GJC2: variants seen among roughly 807,000 people sequenced by gnomAD.
GJC2 encodes the protein gap junction protein gamma 2.
For synonymous variants in GJC2, 336 were observed against 307.5 expected (o/e 1.09, Z -0.97); for missense variants, 647 against 648.9 (o/e 1.00, Z 0.03).
At chr1:228,154,236 G>A (rs538391462) in intron 1 of GJC2, among the ~76,000 whole-genome samples, 1 of 152,266 alleles carries the variant, frequency 6.6e-6, no homozygotes, top group South Asian at 2.1e-4. Context: ...GACTCCTCTT[G>A]GTTTCGGCAG....
At chr1:228,153,113 T>C (rs1261525527) in intron 1 of GJC2, among the ~76,000 whole-genome samples, 1 of 151,766 alleles carries the variant, frequency 6.6e-6, no homozygotes, top group Non-Finnish European at 1.5e-5. Flanking sequence ...CCCGTGGGCC[T>C]CCACCAAGCC....
At chr1:228,155,143 C>A (rs2034663966) in intron 1 of GJC2, among the ~76,000 whole-genome samples, 1 of 152,230 alleles carries the variant, frequency 6.6e-6, no homozygotes, top group African/African-American at 2.4e-5. Context: ...GGCGGTGACA[C>A]AGCGACAGCC....
At chr1:228,154,636 A>G (rs2034658878) in intron 1 of GJC2, among the ~76,000 whole-genome samples, 1 of 152,216 alleles carries the variant, frequency 6.6e-6, no homozygotes, top group South Asian at 2.1e-4. Context: ...GACTCTGCAC[A>G]GAGGAGCTGT....
chr1:228,154,094 T>C (rs915836356), intron 1 of GJC2, among the ~76,000 whole-genome samples: 1 of 152,136 alleles, frequency 6.6e-6, no homozygotes, highest in Non-Finnish European at 1.5e-5. Context: ...CTCCTCATAA[T>C]GAATGGACCA....
intron 1 of GJC2, among the ~76,000 whole-genome samples, chr1:228,157,102 G>T (rs2034691528): frequency 6.8e-6 from 1 of 146,184 alleles, no homozygotes; most frequent in Non-Finnish European, 1.5e-5. Flanking sequence ...GAGGGAGGAT[G>T]GAGGATTTTG....
rs749206259 is a variant in GJC2, at chr1:228,157,965, C to T, written c.207C>T (p.Asp69=). 5.0e-6 allele frequency: 8 copies of T among 1,612,408 alleles called. No individual in the cohort carries two copies. Among genetic ancestry groups the T allele is most frequent in the South Asian group, 3.3e-5 (3 of 91,000 alleles). Reference sequence around the variant, plus strand: ...CAGGCTGCGACAACGTCTGCTATGACGCCTTCGCGCCCCTGTCGCACGTGC... The same window carrying T: ...CAGGCTGCGACAACGTCTGCTATGATGCCTTCGCGCCCCTGTCGCACGTGC... ...RQPGCDNVCY[D]AFAPLSHVRF... The change falls in exon 2 of 2, where the codon GAC becomes GAT. Residue 69 remains aspartate, a synonymous_variant. Coordinates refer to ENST00000366714, the MANE Select transcript of GJC2 (RefSeq NM_020435.4).
chr1:228,154,519 T>A (rs1410458829), intron 1 of GJC2, among the ~76,000 whole-genome samples: 2 of 152,050 alleles, frequency 1.3e-5, no homozygotes, highest in Non-Finnish European at 2.9e-5. Flanking sequence ...GCTCTCCCCC[T>A]CTCCCTCCCA....
At chr1:228,155,875 A>G (rs1571906384) in intron 1 of GJC2, among the ~76,000 whole-genome samples, 1 of 152,216 alleles carries the variant, frequency 6.6e-6, no homozygotes, top group Non-Finnish European at 1.5e-5. Context: ...GGCAGGCGCC[A>G]TTACTGCAGG....
At chr1:228,155,707 C>T (rs2034670086) in intron 1 of GJC2, among the ~76,000 whole-genome samples, 1 of 148,560 alleles carries the variant, frequency 6.7e-6, no homozygotes, top group Non-Finnish European at 1.5e-5. Flanking sequence ...GACACAGGCC[C>T]CCAGAGCTAA....
rs549625102 is a variant in GJC2, at chr1:228,157,691, G to T, written c.-19-49G>T. On this transcript the variant is annotated intron_variant, in intron 1 of 1. Coordinates refer to ENST00000366714, the MANE Select transcript of GJC2 (RefSeq NM_020435.4). ...GCCTGGAGCCCCGGCTCTGAGCGCC[G>T]CGGGCTCCTAAGTGCAGGCCCCTGG... The T allele has an allele frequency of 3.6e-6, 4 of 1,124,892 alleles. No individual in the cohort carries two copies. The East Asian group carries it at 1.0e-4, about 29-fold the overall frequency. The allele number at this position is 1,124,892 out of a possible 1,614,324, so 69.7% of individuals were successfully genotyped here. A position where few individuals can be genotyped will look rare whatever the true frequency, so the allele number is the denominator to read the frequency against.
At position 228,158,068 on chromosome 1, in the gene GJC2, C is replaced by T. The variant is rs770536494; in HGVS notation, c.310C>T (p.Arg104Cys). The change falls in exon 2 of 2, where the codon CGT becomes TGT. Residue 104 changes from arginine (R) to cysteine (C), a missense_variant. Coordinates refer to ENST00000366714, the MANE Select transcript of GJC2 (RefSeq NM_020435.4). This position sits in a 1 kb window ranked among gnomAD's most constrained non-coding sequence, Gnocchi z 8.3. ...GGGCTACGCCGTGCACCGCCTGGCCCGTGCGTCTGAGCAGGAGCGGCGCCG... is the reference window on the plus strand; with the variant it reads ...GGGCTACGCCGTGCACCGCCTGGCCTGTGCGTCTGAGCAGGAGCGGCGCCG... ...YLGYAVHRLARASEQERRRAL... is the reference protein window; with the variant it reads ...YLGYAVHRLACASEQERRRAL... The T allele has an allele frequency of 1.4e-5, 22 of 1,602,418 alleles. No individual in the cohort carries two copies. The South Asian group carries it at 2.1e-4, about 15-fold the overall frequency.
chr1:228,152,053 G>C lies in GJC2; in HGVS notation c.-20+2046G>C, dbSNP rs1190090055. 6.6e-6 allele frequency among the ~76,000 whole-genome samples: 1 copy of C among 152,164 alleles called. No homozygotes were observed. Among genetic ancestry groups the C allele is most frequent in the Non-Finnish European group, 1.5e-5 (1 of 68,020 alleles). On this transcript the variant is annotated intron_variant, in intron 1 of 1. Transcript: ENST00000366714. This position sits in a 1 kb window ranked among gnomAD's most constrained non-coding sequence, Gnocchi z 7.3. ...TCTGAGTGAGGACTGTCCCCACACA[G>C]GGCCCTGCAGTGGAGTGCAGGGGAA...
chr1:228,152,234 C>T lies in GJC2; in HGVS notation c.-20+2227C>T, dbSNP rs1212439490. 6.6e-6 allele frequency among the ~76,000 whole-genome samples: 1 copy of T among 152,140 alleles called. No homozygotes were observed. The highest frequency in any genetic ancestry group is 1.5e-5 in the Non-Finnish European group (1 of 68,016). On this transcript the variant is annotated intron_variant, in intron 1 of 1. Coordinates refer to ENST00000366714, the MANE Select transcript of GJC2 (RefSeq NM_020435.4). This position sits in a 1 kb window ranked among gnomAD's most constrained non-coding sequence, Gnocchi z 7.3. ...CTGCCCCAGGGTCCCGCCTGGTGAA[C>T]TGTGTGCGTGGGTGCCTGTCTGGTG...
chr1:228,154,185 C>A (rs566726297), intron 1 of GJC2, among the ~76,000 whole-genome samples: 1 of 152,156 alleles, frequency 6.6e-6, no homozygotes, highest in East Asian at 1.9e-4. Flanking sequence ...TTTTCTGCCC[C>A]GCCATGGATC....
At position 228,159,029 on chromosome 1, in the gene GJC2, A is replaced by G. The variant is rs1558120470; in HGVS notation, c.1271A>G (p.Glu424Gly). ...RPGAKPRAGSEKGSASSRDGK... is the reference protein window; with the variant it reads ...RPGAKPRAGSGKGSASSRDGK... ...GGAGCCAAGCCCAGGGCTGGCTCCG[A>G]GAAGGGCAGTGCCAGCAGCAGGGAC... Residue 424 changes from glutamate to glycine, a missense_variant, in exon 2 of 2, where the codon GAG (glutamate) becomes GGG (glycine). By Grantham distance (98) the Glu-to-Gly change is moderately conservative. Transcript: ENST00000366714. The surrounding 1 kb of genome is among the most constrained non-coding windows in gnomAD (Gnocchi z 4.0). 2.5e-6 allele frequency: 4 copies of G among 1,609,756 alleles called. No homozygotes were observed. The Middle Eastern group carries it at 6.7e-4, about 271-fold the overall frequency.
rs1558117652 is a variant in GJC2, at chr1:228,151,819, G to A, written c.-20+1812G>A. Among the ~76,000 whole-genome samples, 1 of 152,156 alleles carries A rather than the reference G, an allele frequency of 6.6e-6. No homozygotes were observed. The highest frequency in any genetic ancestry group is 1.5e-5 in the Non-Finnish European group (1 of 68,014). On this transcript the variant is annotated intron_variant, in intron 1 of 1. Transcript: ENST00000366714. This position sits in a 1 kb window ranked among gnomAD's most constrained non-coding sequence, Gnocchi z 5.4. ...CTCCCTCTGGACCAGGGCATCCAGA[G>A]GAGCATGGCTGAGGGTGCACTCGGG...
At position 228,157,972 on chromosome 1, in the gene GJC2, G is replaced by A; in HGVS notation, c.214G>A (p.Ala72Thr). The change falls in exon 2 of 2, where the codon GCG (alanine) becomes ACG (threonine). Residue 72 changes from alanine to threonine, a missense_variant. Coordinates refer to ENST00000366714, the MANE Select transcript of GJC2 (RefSeq NM_020435.4). ...GCDNVCYDAF[A>T]PLSHVRFWVF... ...CGACAACGTCTGCTATGACGCCTTC[G>A]CGCCCCTGTCGCACGTGCGCTTCTG... The A allele has an allele frequency of 6.2e-7, 1 of 1,612,436 alleles. No individual in the cohort carries two copies. Among genetic ancestry groups the A allele is most frequent in the Non-Finnish European group, 8.5e-7 (1 of 1,179,762 alleles).
Position 228,150,449 on chromosome 1 carries a change from C to T in GJC2, c.-20+442C>T, listed in dbSNP as rs2034602094. 6.6e-6 allele frequency among the ~76,000 whole-genome samples: 1 copy of T among 152,178 alleles called. No individual in the cohort carries two copies. The highest frequency in any genetic ancestry group is 1.5e-5 in the Non-Finnish European group (1 of 68,006). On this transcript the variant is annotated intron_variant, in intron 1 of 1. Coordinates refer to ENST00000366714, the MANE Select transcript of GJC2 (RefSeq NM_020435.4). This position sits in a 1 kb window ranked among gnomAD's most constrained non-coding sequence, Gnocchi z 4.6. ...TGGAGGTGAGGGGGCCAGCCTGCCC[C>T]TGGTATAGACAGACCTGGGGCCCTG...
rs765102517 is a variant in GJC2, at chr1:228,151,762, G to A, written c.-20+1755G>A. On this transcript the variant is annotated intron_variant, in intron 1 of 1. Transcript: ENST00000366714. This position sits in a 1 kb window ranked among gnomAD's most constrained non-coding sequence, Gnocchi z 5.4. ...GCATGGAGGGAGGGTTCCAGGCCTC[G>A]GGCTTGGGTCCTAGGTGGCTGAGCT... Among the ~76,000 whole-genome samples, 10 of 152,138 alleles carry A rather than the reference G, an allele frequency of 6.6e-5. No individual in the cohort carries two copies. Among genetic ancestry groups the A allele is most frequent in the Non-Finnish European group, 1.2e-4 (8 of 68,004 alleles).
Sources: allele counts gnomAD v4.1 joint callset (sites outside exome capture counted in the v4.1 genomes callset), GRCh38; gene constraint gnomAD v4.1.1; non-coding constraint Gnocchi (gnomAD v3.1); transcripts MANE v1.5; gene names NCBI Gene and HGNC (gene_info 2026-07-23, HGNC 2026-07-21).